RAD51B: variants seen among roughly 807,000 people sequenced by gnomAD.
RAD51B encodes the protein DNA repair protein RAD51 homolog 2.
RAD51B carries 38 observed loss-of-function variants against 42.2 expected under a neutral mutation model. The observed-to-expected ratio is 0.90, with a 90% CI of 0.70 to 1.18. The LOEUF (loss-of-function observed/expected upper bound fraction) is 1.18, where lower values mean the gene tolerates loss of function less well. Among genes scored for constraint, RAD51B ranks in the 50% most tolerant of loss-of-function variants. RAD51B has a pLI of 0.00. For missense variants in RAD51B, 373 were observed against 400.7 expected, an observed-to-expected ratio of 0.93 and a Z score of 0.59; for synonymous variants, 154 against 145.2, an observed-to-expected ratio of 1.06 and a Z score of -0.43.
intron 7 of RAD51B, among the ~76,000 whole-genome samples, chr14:68,275,892 A>G (rs2081215443): frequency 6.6e-6 from 1 of 151,686 alleles, no homozygotes; most frequent in Admixed American, 6.6e-5. Context: ...CCTTACTGCA[A>G]GAACCTGTCC....
intron 7 of RAD51B, among the ~76,000 whole-genome samples, chr14:68,188,843 T>G (rs557627862): frequency 2.0e-5 from 3 of 152,332 alleles, no homozygotes; most frequent in African/African-American, 7.2e-5. Flanking sequence ...TGTATGTGCT[T>G]CAGACACACT....
intron 7 of RAD51B, among the ~76,000 whole-genome samples, chr14:68,074,467 A>G (rs979972434): frequency 6.6e-6 from 1 of 152,040 alleles, no homozygotes; most frequent in Non-Finnish European, 1.5e-5. Context: ...ATAGGTTTCA[A>G]TTTTCTGTTG....
chr14:68,459,830 AC>A (rs2085798771), intron 9 of RAD51B, among the ~76,000 whole-genome samples: 1 of 152,180 alleles, frequency 6.6e-6, no homozygotes, highest in Non-Finnish European at 1.5e-5. Flanking sequence ...ACCTGTCCTT[AC>A]AGGAAGAAAC....
chr14:68,041,202 G>A (rs763563911), intron 7 of RAD51B, among the ~76,000 whole-genome samples: 16 of 152,012 alleles, frequency 1.1e-4, no homozygotes, highest in Non-Finnish European at 2.1e-4. Context: ...CATCCCCTTC[G>A]CCTCCTGCCA....
At chr14:67,886,081 T>C in intron 6 of RAD51B, 93 bp downstream of exon 6, 1 of 1,088,620 alleles carries the variant, frequency 9.2e-7, no homozygotes, top group East Asian at 2.6e-5. Context: ...AAAGTCTTTA[T>C]AGGTTAGAAT....
rs58955054 is a variant in RAD51B at position 68,303,457 on chromosome 14, TAAAA to T, written c.853+11493_853+11496del. 2.9e-3 allele frequency among the ~76,000 whole-genome samples: 401 copies of T among 138,732 alleles called. 2 individuals are homozygous for T. The highest frequency in any genetic ancestry group is 9.2e-3 in the African/African-American group (332 of 36,222). 91.0% of individuals were successfully genotyped at this position (138,732 alleles called of 152,430 possible). ...ATGTATCCCAGAATATAAAGTATAA[TAAAA>T]AAAAAAAAAAAAAAAGAAAAGAAAA... On this transcript the variant is annotated intron_variant, in intron 8 of 10. Transcript: ENST00000471583.
intron 7 of RAD51B, among the ~76,000 whole-genome samples, chr14:67,971,909 G>C (rs1229426259): frequency 2.0e-5 from 3 of 151,632 alleles, no homozygotes; most frequent in Admixed American, 6.6e-5. Flanking sequence ...AAAGTATAGA[G>C]ATGGCTTTCA....
intron 7 of RAD51B, among the ~76,000 whole-genome samples, chr14:68,132,285 T>A (rs901630784): frequency 6.6e-6 from 1 of 151,932 alleles, no homozygotes; most frequent in East Asian, 1.9e-4. Flanking sequence ...ATTATCAAAA[T>A]AGTAAGGAAA....
chr14:68,061,317 C>A (rs1278184416), intron 7 of RAD51B, among the ~76,000 whole-genome samples: 6 of 152,088 alleles, frequency 3.9e-5, no homozygotes, highest in Non-Finnish European at 7.4e-5. Flanking sequence ...GATCCACCCA[C>A]CTTGGCCTCC....
chr14:67,931,412 C>G (rs969741888), intron 7 of RAD51B, among the ~76,000 whole-genome samples: 17 of 150,240 alleles, frequency 1.1e-4, no homozygotes, highest in African/African-American at 3.7e-4. Flanking sequence ...AATTGTTTTT[C>G]TGATTTCTTT....
chr14:67,892,505 C>G (rs538210426), intron 7 of RAD51B, among the ~76,000 whole-genome samples: 1 of 152,260 alleles, frequency 6.6e-6, no homozygotes, highest in East Asian at 1.9e-4. Flanking sequence ...ATTCAGCTAG[C>G]ATGGGTTACT....
chr14:68,144,557 A>G (rs2078210831), intron 7 of RAD51B, among the ~76,000 whole-genome samples: 1 of 152,220 alleles, frequency 6.6e-6, no homozygotes, highest in South Asian at 2.1e-4. Context: ...TTTGTTGATG[A>G]GTAGAGCTTT....
At chr14:68,221,911 CAAATGGCCAATAAGCATATGG>C (rs1298402319) in intron 7 of RAD51B, among the ~76,000 whole-genome samples, 1 of 152,114 alleles carries the variant, frequency 6.6e-6, no homozygotes, top group Non-Finnish European at 1.5e-5. Flanking sequence ...AGAAGATATA[CAAATGGCCAATAAGCATATGG>C]AAAAAATGCT....
At chr14:68,076,563 C>G (rs1405778248) in intron 7 of RAD51B, among the ~76,000 whole-genome samples, 1 of 152,070 alleles carries the variant, frequency 6.6e-6, no homozygotes, top group Non-Finnish European at 1.5e-5. Context: ...TTAGATCTAT[C>G]TAAAAAAGGA....
chr14:68,516,098 C>T (rs1331447570), intron 10 of RAD51B, among the ~76,000 whole-genome samples: 1 of 152,130 alleles, frequency 6.6e-6, no homozygotes, highest in Non-Finnish European at 1.5e-5. Flanking sequence ...AAGCTGGACC[C>T]ATTTCTTTAG....
chr14:68,435,699 CT>C (rs1319426244), intron 9 of RAD51B, among the ~76,000 whole-genome samples: 1 of 152,060 alleles, frequency 6.6e-6, no homozygotes, highest in Non-Finnish European at 1.5e-5. Context: ...TGCTTTTTAA[CT>C]TTTTAATAAA....
chr14:68,269,851 C>CT (rs1269952972), intron 7 of RAD51B, among the ~76,000 whole-genome samples: 1 of 152,174 alleles, frequency 6.6e-6, no homozygotes, highest in African/African-American at 2.4e-5. Context: ...CTTTGTCTCT[C>CT]TTTTGCGGAA....
At chr14:68,301,255 G>T (rs927220) in intron 8 of RAD51B, among the ~76,000 whole-genome samples, 104,081 of 151,936 alleles carry the variant, frequency 0.69, 35,900 homozygotes, top group Admixed American at 0.75. Context: ...GGAGACAAAT[G>T]TTTTTTTGTT....
At chr14:68,676,217 C>T (rs368205351) in intron 11 of RAD51B, among the ~76,000 whole-genome samples, 1 of 152,066 alleles carries the variant, frequency 6.6e-6, no homozygotes, top group African/African-American at 2.4e-5. Flanking sequence ...CAACTATGAT[C>T]CCACTTTAGA....
Sources: allele counts gnomAD v4.1 joint callset (sites outside exome capture counted in the v4.1 genomes callset), GRCh38; gene constraint gnomAD v4.1.1; transcripts MANE v1.5; gene names NCBI Gene and HGNC (gene_info 2026-07-23, HGNC 2026-07-21).